DGKB: variants seen among roughly 807,000 people sequenced by gnomAD.
DGKB encodes the protein diacylglycerol kinase beta.
DGKB carries 67 observed loss-of-function variants against 114.3 expected under a neutral mutation model. That is an observed-to-expected ratio of 0.59 (90% confidence interval 0.48 to 0.72). DGKB has a LOEUF of 0.72. Among genes scored for constraint, DGKB ranks in the 30% least tolerant of loss-of-function variants. The pLI is 0.00. For missense variants in DGKB, 907 were observed against 975.2 expected, an observed-to-expected ratio of 0.93 and a Z score of 0.93; for synonymous variants, 398 against 323.1, an observed-to-expected ratio of 1.23 and a Z score of -2.49.
At chr7:14,943,692 G>C (rs940495494) in intron 1 of DGKB, among the ~76,000 whole-genome samples, 1 of 150,812 alleles carries the variant, frequency 6.6e-6, no homozygotes, top group Non-Finnish European at 1.5e-5. Context: ...ACTCAGAAGA[G>C]ACAAGAGCCG....
At chr7:14,641,583 C>T (rs957181419) in intron 13 of DGKB, among the ~76,000 whole-genome samples, 12 of 151,436 alleles carry the variant, frequency 7.9e-5, no homozygotes, top group Admixed American at 7.9e-4. Context: ...GTAGAATTTA[C>T]CTTACTTTAT....
chr7:14,217,187 T>A (rs182621210), intron 23 of DGKB, among the ~76,000 whole-genome samples: 1 of 152,068 alleles, frequency 6.6e-6, no homozygotes, highest in African/African-American at 2.4e-5. Flanking sequence ...CTAAGTATTC[T>A]AAAGTCCTAT....
intron 2 of DGKB, among the ~76,000 whole-genome samples, chr7:14,833,922 G>A (rs910460510): frequency 6.6e-5 from 10 of 152,070 alleles, no homozygotes; most frequent in African/African-American, 1.7e-4. Context: ...TCTTGCATAC[G>A]TAACATTCAG....
intron 21 of DGKB, among the ~76,000 whole-genome samples, chr7:14,346,649 G>T (rs1812531208): frequency 6.6e-6 from 1 of 151,938 alleles, no homozygotes; most frequent in African/African-American, 2.4e-5. Flanking sequence ...AGTGAAGTAG[G>T]TTAGAGGTAA....
At chr7:14,512,600 A>C (rs1788151695) in intron 20 of DGKB, among the ~76,000 whole-genome samples, 1 of 152,096 alleles carries the variant, frequency 6.6e-6, no homozygotes, top group Non-Finnish European at 1.5e-5. Context: ...CTCAGGTTTT[A>C]GAATCTGACT....
Position 14,649,071 on chromosome 7 carries a change from G to T in DGKB, c.1135-18803C>A, listed in dbSNP as rs1448151139. Among the ~76,000 whole-genome samples the T allele has an allele frequency of 2.2e-4, 15 of 67,444 alleles. 3 individuals carry two copies. The highest frequency in any genetic ancestry group is 9.7e-4 in the Admixed American group (5 of 5,158). The allele number at this position is 67,444 out of a possible 152,430, so 44.2% of individuals were successfully genotyped here. A position where few individuals can be genotyped will look rare whatever the true frequency, so the allele number is the denominator to read the frequency against. On this transcript the variant is annotated intron_variant, in intron 13 of 25. Coordinates refer to ENST00000402815, the MANE Select transcript of DGKB (RefSeq NM_001350709.2). Reference sequence around the variant, plus strand: ...ATGGAACCAAGTTGGAAAACATGCTGCAGGATATTATCCAGGAGAACTTCC... The same window carrying T: ...ATGGAACCAAGTTGGAAAACATGCTTCAGGATATTATCCAGGAGAACTTCC...
intron 1 of DGKB, among the ~76,000 whole-genome samples, chr7:14,909,181 TTCA>T (rs954087644): frequency 6.6e-6 from 1 of 152,174 alleles, no homozygotes; most frequent in African/African-American, 2.4e-5. Flanking sequence ...GAAGAAAAAC[TTCA>T]TCATGTATGT....
intron 21 of DGKB, among the ~76,000 whole-genome samples, chr7:14,439,499 A>G (rs1829756916): frequency 6.6e-6 from 1 of 152,094 alleles, no homozygotes; most frequent in African/African-American, 2.4e-5. Context: ...CCTCATAGAT[A>G]ACCACTTTCT....
intron 21 of DGKB, among the ~76,000 whole-genome samples, chr7:14,455,116 C>G (rs941832676): frequency 1.3e-5 from 2 of 151,968 alleles, no homozygotes; most frequent in Non-Finnish European, 2.9e-5. Flanking sequence ...TTTCTATAAA[C>G]TCTGTTTAGA....
At chr7:14,327,881 A>G (rs905736012) in intron 23 of DGKB, among the ~76,000 whole-genome samples, 1 of 152,138 alleles carries the variant, frequency 6.6e-6, no homozygotes, top group Non-Finnish European at 1.5e-5. Flanking sequence ...CTTACTAGAG[A>G]AATGTATAAG....
intron 23 of DGKB, among the ~76,000 whole-genome samples, chr7:14,265,825 T>C (rs1414789789): frequency 6.6e-6 from 1 of 152,184 alleles, no homozygotes; most frequent in East Asian, 1.9e-4. Context: ...GCCAAGTACT[T>C]GTGTACTTTT....
intron 21 of DGKB, among the ~76,000 whole-genome samples, chr7:14,361,833 C>T (rs567347036): frequency 6.6e-6 from 1 of 151,968 alleles, no homozygotes; most frequent in South Asian, 2.1e-4. Context: ...TTTGCATTAC[C>T]ATCAACAAAT....
At chr7:14,496,870 C>T (rs889182074) in intron 20 of DGKB, among the ~76,000 whole-genome samples, 3 of 151,748 alleles carry the variant, frequency 2.0e-5, no homozygotes, top group African/African-American at 7.3e-5. Context: ...TCCAAAGTCA[C>T]TACAGCTAAT....
At chr7:14,151,297 G>T (rs1782161820) in intron 25 of DGKB, among the ~76,000 whole-genome samples, 1 of 151,852 alleles carries the variant, frequency 6.6e-6, no homozygotes, top group South Asian at 2.1e-4. Context: ...GACTATGAAA[G>T]AAATATATCT....
intron 1 of DGKB, among the ~76,000 whole-genome samples, chr7:14,950,860 TCA>T (rs61392950): frequency 0.31 from 46,744 of 151,452 alleles, 8,561 homozygotes; most frequent in East Asian, 0.87. Context: ...TACTAGCAAA[TCA>T]AATCCAGTAA....
chr7:14,496,192 C>A lies in DGKB; in HGVS notation c.1771-17967G>T, dbSNP rs1463041906. ...AATAAATAGTTCATGTTTCATCAAA[C>A]ATGTGCATAAGATTTGTTTTTGAAT... On this transcript the variant is annotated intron_variant, in intron 20 of 25. Transcript: ENST00000402815. Among the ~76,000 whole-genome samples, 5 of 151,746 alleles carry A rather than the reference C, an allele frequency of 3.3e-5. No individual in the cohort carries two copies. The East Asian group carries it at 9.6e-4, about 29-fold the overall frequency.
At chr7:14,673,723 C>T (rs1441576074) in intron 12 of DGKB, among the ~76,000 whole-genome samples, 2 of 151,888 alleles carry the variant, frequency 1.3e-5, no homozygotes, top group Admixed American at 6.6e-5. Context: ...GGTGTTACAA[C>T]GTGGTGTTTT....
intron 20 of DGKB, among the ~76,000 whole-genome samples, chr7:14,524,943 C>T (rs561808164): frequency 4.0e-5 from 6 of 151,446 alleles, no homozygotes; most frequent in African/African-American, 1.2e-4. Context: ...GAAAAATGGC[C>T]TAATTTCTGC....
At chr7:14,626,153 G>T (rs1402161622) in intron 14 of DGKB, among the ~76,000 whole-genome samples, 1 of 152,128 alleles carries the variant, frequency 6.6e-6, no homozygotes, top group South Asian at 2.1e-4. Flanking sequence ...TTTGTACACT[G>T]GTGAAAACTG....
Sources: gnomAD v4.1 joint callset for allele counts (sites outside exome capture counted in the v4.1 genomes callset) on GRCh38, gnomAD v4.1.1 for gene constraint, MANE v1.5 for transcripts, NCBI Gene and HGNC (gene_info 2026-07-23, HGNC 2026-07-21) for gene names.